Variants in NEB observed in about 807,000 individuals in gnomAD.
NEB encodes the protein nemaline myopathy type 2.
In NEB, 512 loss-of-function variants were observed where a neutral mutation model predicts 952.2. The observed-to-expected ratio is 0.54, with a 90% CI of 0.50 to 0.58. The LOEUF is 0.58. NEB is among the 20% of genes least tolerant of loss of function. The pLI is 0.00. For synonymous variants in NEB, 2,900 were observed against 3,149.8 expected (o/e 0.92, Z 2.66); for missense variants, 8,428 against 9,231.1 (o/e 0.91, Z 3.56).
chr2:151,643,911 G>T lies in NEB; in HGVS notation c.7863C>A (p.Asp2621Glu), dbSNP rs1419803549. 3 of 1,613,906 alleles carry T rather than the reference G, an allele frequency of 1.9e-6. No homozygotes were observed. The Admixed American group carries it at 5.0e-5, about 27-fold the overall frequency. ...LAKKCQTLVS[D>E]VDYKNYLHQW... ...GGTGCAGGTAGTTCTTGTAGTCCAC[G>T]TCGCTGACTAAGGTCTGGCACTTCT... The change falls in exon 57 of 182, where the codon GAC becomes GAA. Residue 2621 changes from aspartate to glutamate, a missense_variant. Transcript: ENST00000397345.
chr2:151,506,950 C>G lies in NEB; in HGVS notation c.23515G>C (p.Glu7839Gln). ...TGATTTTCTTTTACACGCAGTATTTCTGGCGTGTCTTGAACAACTGTAATT... is the reference window on the plus strand; with the variant it reads ...TGATTTTCTTTTACACGCAGTATTTGTGGCGTGTCTTGAACAACTGTAATT... ...GKITVVQDTPEILRVKENQKN... is the reference protein window; with the variant it reads ...GKITVVQDTPQILRVKENQKN... Residue 7839 changes from glutamate (E) to glutamine (Q), a missense_variant, in exon 163 of 182, where the codon GAA (glutamate) becomes CAA (glutamine). Physicochemically the swap from Glu to Gln is conservative, Grantham distance 29. Transcript: ENST00000397345. 1 of 1,611,528 alleles carries G rather than the reference C, an allele frequency of 6.2e-7. No individual in the cohort carries two copies. Among genetic ancestry groups the G allele is most frequent in the Non-Finnish European group, 8.5e-7 (1 of 1,178,406 alleles).
chr2:151,692,601 G>T (rs1553594567), intron 20 of NEB, among the ~76,000 whole-genome samples: 2 of 152,098 alleles, frequency 1.3e-5, no homozygotes, highest in Non-Finnish European at 2.9e-5. Flanking sequence ...TTTTCAGACT[G>T]AAAAACGCAC....
chr2:151,633,806 T>A lies in NEB; in HGVS notation c.9262A>T (p.Ser3088Cys), dbSNP rs2098711268. The change falls in exon 65 of 182, where the codon AGC becomes TGC. Residue 3088 changes from serine (S) to cysteine (C), a missense_variant. This residue lies in a region of NEB where 1,772 missense variants were observed against 1,960.3 expected (regional missense o/e 0.90). Transcript: ENST00000397345. The stretch of plus-strand genomic sequence containing the variant: ...ACCACCCCCAGCATGTCCACTGGGC[T>A]GCTGAACTTGGTCTTCCACTTCTCA... ...DFEKWKTKFSSPVDMLGVVLA... is the reference protein window; with the variant it reads ...DFEKWKTKFSCPVDMLGVVLA... 2 of 1,614,010 alleles carry A rather than the reference T, an allele frequency of 1.2e-6. No homozygotes were observed. The highest frequency in any genetic ancestry group is 1.7e-6 in the Non-Finnish European group (2 of 1,179,890).
chr2:151,513,753 A>C, intron 159 of NEB, 60 bp from the exon 160 acceptor site: 5 of 1,152,586 alleles, frequency 4.3e-6, no homozygotes, highest in Non-Finnish European at 5.1e-6. Flanking sequence ...GGTAATAAAC[A>C]TACAGGGTGA....
chr2:151,696,930 G>A (rs1189234630), intron 16 of NEB, among the ~76,000 whole-genome samples, 195 bp from the exon 17 acceptor site: 1 of 152,154 alleles, frequency 6.6e-6, no homozygotes, highest in Non-Finnish European at 1.5e-5. Flanking sequence ...ATATCTTCGG[G>A]TTTCCAATAA....
rs1211760905 is a variant in NEB, at chr2:151,524,363, A to C, written c.22427T>G (p.Leu7476Arg). ...RKEGSHGLSM[L>R]GRPDIEMAKK... ...GGCCATTTCTATGTCTGGGCGACCG[A>C]GCATGCTTAAGCCATGGCTGCCTTC... is the stretch of plus-strand genomic sequence containing the variant. The change falls in exon 153 of 182, where the codon CTC becomes CGC. Residue 7476 changes from leucine (L) to arginine (R), a missense_variant. Leu to Arg is a moderately radical substitution (Grantham distance 102). This residue lies in a region of NEB where 3,374 missense variants were observed against 3,651.5 expected (regional missense o/e 0.92). Coordinates refer to ENST00000397345, the MANE Select transcript of NEB (RefSeq NM_001164508.2). The C allele has an allele frequency of 6.2e-7, 1 of 1,613,934 alleles. No homozygotes were observed. Among genetic ancestry groups the C allele is most frequent in the Admixed American group, 1.7e-5 (1 of 60,024 alleles).
At chr2:151,550,248 C>G (rs1450321233) in intron 129 of NEB, among the ~76,000 whole-genome samples, 2 of 110,542 alleles carry the variant, frequency 1.8e-5, no homozygotes, top group Admixed American at 2.8e-4. Context: ...GCCTGGGAGA[C>G]AGAGGAGACC....
In NEB at chr2:151,568,309, C is replaced by T; in HGVS notation, c.17736+7G>A. The T allele has an allele frequency of 6.2e-7, 1 of 1,612,698 alleles. No individual in the cohort carries two copies. Among genetic ancestry groups the T allele is most frequent in the East Asian group, 2.2e-5 (1 of 44,846 alleles). On this transcript the variant is annotated splice_region_variant and intron_variant, in intron 112 of 181. Transcript: ENST00000397345. ...ACAAACACCAGGCATGTGGGTGAAA[C>T]CCATACCTGGTCCAGTATCCTAGCA...
At chr2:151,693,978 C>T (rs1294990908) in intron 20 of NEB, among the ~76,000 whole-genome samples, 1 of 152,006 alleles carries the variant, frequency 6.6e-6, no homozygotes. Context: ...TTAATCAGTT[C>T]AGGGCATTGG....
chr2:151,702,332 T>C (rs2099676519), intron 13 of NEB, among the ~76,000 whole-genome samples: 1 of 151,972 alleles, frequency 6.6e-6, no homozygotes, highest in South Asian at 2.1e-4. Flanking sequence ...CTGAAAAAAA[T>C]GTATATTCTG....
intron 63 of NEB, among the ~76,000 whole-genome samples, 159 bp downstream of exon 63, chr2:151,639,121 G>A (rs536735721): frequency 6.6e-6 from 1 of 152,244 alleles, no homozygotes; most frequent in South Asian, 2.1e-4. Flanking sequence ...ATTGCATAAA[G>A]TTTGACATTT....
At chr2:151,495,473 T>C (rs1397137387) in intron 173 of NEB, 2 of 152,338 alleles carry the variant, frequency 1.3e-5, no homozygotes, top group Admixed American at 6.5e-5. Context: ...TTAGAAGCAC[T>C]GTACTCAAGT....
chr2:151,564,079 A>G (rs1041171928), intron 117 of NEB, 149 bp from the exon 118 acceptor site: 2 of 489,046 alleles, frequency 4.1e-6, no homozygotes, highest in African/African-American at 3.9e-5. Context: ...TACCTAGAAT[A>G]GGGCAGTTAT....
rs762408179 is a variant in NEB at position 151,614,548 on chromosome 2, G to A, written c.11329C>T (p.His3777Tyr). 3 of 1,613,750 alleles carry A rather than the reference G, an allele frequency of 1.9e-6. No individual in the cohort carries two copies. The highest frequency in any genetic ancestry group is 4.5e-5 in the East Asian group (2 of 44,876). Reference protein sequence around the residue: ...KEGYRKQLGHHIGARNIKDDP... With the variant: ...KEGYRKQLGHYIGARNIKDDP... ...TCCTTAATGTTCCGGGCCCCAATATGGTGGCCAAGCTGTTTGCGGTAGCCT... is the reference window on the plus strand; with the variant it reads ...TCCTTAATGTTCCGGGCCCCAATATAGTGGCCAAGCTGTTTGCGGTAGCCT... Residue 3777 changes from histidine to tyrosine, a missense_variant, in exon 77 of 182, where the codon CAT becomes TAT. His to Tyr is a moderately conservative substitution (Grantham distance 83). This residue lies in a region of NEB where 1,772 missense variants were observed against 1,960.3 expected (regional missense o/e 0.90). Coordinates refer to ENST00000397345, the MANE Select transcript of NEB (RefSeq NM_001164508.2).
At chr2:151,559,734 G>A (rs58860557) in intron 124 of NEB, among the ~76,000 whole-genome samples, 184 of 152,238 alleles carry the variant, frequency 1.2e-3, no homozygotes, top group Middle Eastern at 0.01. Flanking sequence ...AGTGGGGGTT[G>A]AACAGTGAGA....
At position 151,514,878 on chromosome 2, in the gene NEB, A is replaced by G. The variant is rs1367326036; in HGVS notation, c.22956T>C (p.Thr7652=). ...YEESIKGRNL[T]GLEVTPALLH... Reference sequence around the variant, plus strand: ...ACAAAGCTGGCGTGACCTCCAGGCCAGTCAGGTTTCTGCCTTTAATGGACT... The same window carrying G: ...ACAAAGCTGGCGTGACCTCCAGGCCGGTCAGGTTTCTGCCTTTAATGGACT... The change falls in exon 158 of 182, where the codon ACT becomes ACC. Residue 7652 remains threonine (T), a synonymous_variant. Coordinates refer to ENST00000397345, the MANE Select transcript of NEB (RefSeq NM_001164508.2). 6.3e-7 allele frequency: 1 copy of G among 1,588,880 alleles called. No individual in the cohort carries two copies. The highest frequency in any genetic ancestry group is 8.6e-7 in the Non-Finnish European group (1 of 1,166,122).
At chr2:151,496,157 T>TAA in intron 173 of NEB, 119 bp downstream of exon 173, 1 of 1,185,346 alleles carries the variant, frequency 8.4e-7, no homozygotes, top group Non-Finnish European at 1.2e-6. Flanking sequence ...GTAAATTTGC[T>TAA]AAAGAAATTT....
chr2:151,668,378 A>G (rs978763950), intron 39 of NEB, among the ~76,000 whole-genome samples: 1 of 152,196 alleles, frequency 6.6e-6, no homozygotes, highest in Non-Finnish European at 1.5e-5. Flanking sequence ...AATATTACTT[A>G]GAAAAATCTT....
intron 13 of NEB, among the ~76,000 whole-genome samples, chr2:151,701,582 GT>G (rs2099669738): frequency 6.6e-6 from 1 of 151,420 alleles, no homozygotes; most frequent in African/African-American, 2.4e-5. Context: ...CTTCTTCCTG[GT>G]TTAGTCTTGG....
Sources: allele counts gnomAD v4.1 joint callset (sites outside exome capture counted in the v4.1 genomes callset), GRCh38; gene constraint gnomAD v4.1.1; regional missense constraint gnomAD v4.1.1; transcripts MANE v1.5; gene names NCBI Gene and HGNC (gene_info 2026-07-23, HGNC 2026-07-21).